Variants in CMIP observed in about 807,000 individuals in gnomAD.
CMIP encodes C-Maf-inducing protein.
CMIP carries 13 observed loss-of-function variants against 97.3 expected under a neutral mutation model. The observed-to-expected ratio is 0.13, with a 90% CI of 0.09 to 0.21. CMIP has a LOEUF of 0.21. Among genes scored for constraint, CMIP ranks in the 10% least tolerant of loss-of-function variants. The probability of loss-of-function intolerance (pLI) is 1.00; values close to 1 mark genes in which losing one functional copy is unlikely to be tolerated. For synonymous variants in CMIP, 538 were observed against 436.3 expected, an observed-to-expected ratio of 1.23 and a Z score of -2.91; for missense variants, 847 against 1,024.9, an observed-to-expected ratio of 0.83 and a Z score of 2.37.
intron 1 of CMIP, among the ~76,000 whole-genome samples, chr16:81,540,530 G>A (rs1050420323): frequency 6.6e-6 from 1 of 152,122 alleles, no homozygotes; most frequent in East Asian, 1.9e-4. Flanking sequence ...TGAACTCCTG[G>A]GCTCAAGTGA....
chr16:81,670,829 T>G (rs1055081445), intron 8 of CMIP, among the ~76,000 whole-genome samples: 3 of 151,968 alleles, frequency 2.0e-5, no homozygotes, highest in Admixed American at 6.6e-5. Flanking sequence ...TCATCTCTTT[T>G]GTTTGTTTGT....
intron 6 of CMIP, among the ~76,000 whole-genome samples, chr16:81,661,476 T>C (rs921347747): frequency 7.2e-5 from 11 of 152,188 alleles, no homozygotes; most frequent in Non-Finnish European, 1.5e-4. Flanking sequence ...CAAACCTGTT[T>C]TGTTCTTTGC....
Position 81,556,502 on chromosome 16 carries a change from C to T in CMIP, c.301-51065C>T, listed in dbSNP as rs529027258. Among the ~76,000 whole-genome samples the T allele has an allele frequency of 3.3e-5, 5 of 152,308 alleles. No individual in the cohort carries two copies. In the East Asian group the frequency reaches 9.6e-4, roughly 29 times the overall value. The stretch of plus-strand genomic sequence containing the variant: ...TTTCTCCACAATGTGCCAACGATTA[C>T]TATTTTCCGTTGTTTTATCAGTGGC... On this transcript the variant is annotated intron_variant, in intron 1 of 20. Coordinates refer to ENST00000537098, the MANE Select transcript of CMIP (RefSeq NM_198390.3).
chr16:81,674,726 T>C (rs1323897009), intron 9 of CMIP, among the ~76,000 whole-genome samples: 1 of 152,140 alleles, frequency 6.6e-6, no homozygotes, highest in Non-Finnish European at 1.5e-5. Flanking sequence ...GCTGAGATTA[T>C]AGGTGTGGGC....
intron 13 of CMIP, chr16:81,696,327 G>A: frequency 5.1e-6 from 3 of 588,130 alleles, no homozygotes; most frequent in Non-Finnish European, 9.1e-6. Flanking sequence ...TCCCTCCTGT[G>A]CAGCTGACAG....
At chr16:81,521,667 A>T (rs575918674) in intron 1 of CMIP, among the ~76,000 whole-genome samples, 2 of 152,188 alleles carry the variant, frequency 1.3e-5, no homozygotes, top group East Asian at 3.9e-4. Flanking sequence ...TTTCCTTCTA[A>T]GTCTTGTGTA....
chr16:81,704,954 C>T (rs529389387), intron 18 of CMIP, among the ~76,000 whole-genome samples: 8 of 151,930 alleles, frequency 5.3e-5, no homozygotes, highest in African/African-American at 1.9e-4. Context: ...CGGGGGGCTG[C>T]GCAGGAGGCT....
Position 81,652,486 on chromosome 16 carries a change from G to A in CMIP, c.639+122G>A, listed in dbSNP as rs767659749. On this transcript the variant is annotated intron_variant, in intron 4 of 20. Transcript: ENST00000537098. This position sits in a 1 kb window ranked among gnomAD's most constrained non-coding sequence, Gnocchi z 5.2. ...TGGGCTGTGTTGTTGCCCTGCTGCCGAAGGAGGTGAGCAGTTGCCCACCCA... is the reference window on the plus strand; with the variant it reads ...TGGGCTGTGTTGTTGCCCTGCTGCCAAAGGAGGTGAGCAGTTGCCCACCCA... The A allele has an allele frequency of 2.4e-5, 21 of 869,340 alleles. No individual in the cohort carries two copies. The highest frequency in any genetic ancestry group is 2.8e-5 in the Non-Finnish European group (16 of 563,048). The allele number at this position is 869,340 out of a possible 1,614,324, so 53.9% of individuals were successfully genotyped here.
Position 81,627,811 on chromosome 16 carries a change from C to T in CMIP, c.477+6885C>T, listed in dbSNP as rs548891147. 6.6e-5 allele frequency among the ~76,000 whole-genome samples: 10 copies of T among 152,166 alleles called. No individual in the cohort carries two copies. Among genetic ancestry groups the T allele is most frequent in the South Asian group, 2.1e-4 (1 of 4,834 alleles). On this transcript the variant is annotated intron_variant, in intron 3 of 20. Coordinates refer to ENST00000537098, the MANE Select transcript of CMIP (RefSeq NM_198390.3). The surrounding 1 kb of genome is among the most constrained non-coding windows in gnomAD (Gnocchi z 4.6). ...GCTTCCACCTCATGAGTGGCTGCGG[C>T]GCCTCGGGAATGAGTCTGTTCCATG...
intron 10 of CMIP, among the ~76,000 whole-genome samples, chr16:81,691,279 C>T (rs1327103158): frequency 6.6e-6 from 1 of 152,212 alleles, no homozygotes; most frequent in African/African-American, 2.4e-5. Context: ...TCGCTGAGTC[C>T]TGGCTGGTCT....
intron 1 of CMIP, among the ~76,000 whole-genome samples, chr16:81,532,106 C>T (rs552788632): frequency 1.3e-5 from 2 of 152,302 alleles, no homozygotes; most frequent in Admixed American, 1.3e-4. Flanking sequence ...GAAATCGAGG[C>T]CAAGGACAGC....
chr16:81,554,155 A>G (rs987386688), intron 1 of CMIP, among the ~76,000 whole-genome samples: 2 of 152,270 alleles, frequency 1.3e-5, no homozygotes, highest in Non-Finnish European at 2.9e-5. Context: ...CGGATACCCA[A>G]TAATACAATC....
At chr16:81,548,025 A>G (rs111854771) in intron 1 of CMIP, among the ~76,000 whole-genome samples, 82 of 152,062 alleles carry the variant, frequency 5.4e-4, no homozygotes, top group Admixed American at 2.1e-3. Context: ...TTTCCAGATC[A>G]TTACAGCGGC....
rs538515158 is a variant in CMIP, at chr16:81,555,325, A to AC, written c.301-52235dup. Among the ~76,000 whole-genome samples the AC allele has an allele frequency of 4.5e-4, 68 of 152,102 alleles. No individual in the cohort carries two copies. The East Asian group carries it at 0.01, about 22-fold the overall frequency. On this transcript the variant is annotated intron_variant, in intron 1 of 20. Transcript: ENST00000537098. ...CACCATAGCTCTGGGGAAATCAAGA[A>AC]CCCCCCCTAGACTGTGGGAGTCCCC...
chr16:81,482,482 A>G lies in CMIP; in HGVS notation c.300+36941A>G, dbSNP rs112037764. Among the ~76,000 whole-genome samples, 1,055 of 152,232 alleles carry G rather than the reference A, an allele frequency of 6.9e-3. 13 individuals carry two copies. The highest frequency in any genetic ancestry group is 0.024 in the African/African-American group (1,005 of 41,534). ...CTCCTGGAGGGGAGGGTGAGACAGC[A>G]GAGGGCCTTTTAAGTCATGGGGCAG... On this transcript the variant is annotated intron_variant, in intron 1 of 20. Transcript: ENST00000537098.
chr16:81,611,235 A>T (rs2091826581), intron 2 of CMIP: 1 of 152,276 alleles, frequency 6.6e-6, no homozygotes, highest in African/African-American at 2.4e-5. Context: ...TGACACACGA[A>T]GTTCTGTGGA....
chr16:81,704,022 T>C lies in CMIP; in HGVS notation c.2028T>C (p.Ser676=). 1 of 1,605,472 alleles carries C rather than the reference T, an allele frequency of 6.2e-7. No homozygotes were observed. ...GTTTGGCCTTCACCAATGTAACCAG[T>C]GCCTGCGCCGAGCACCTCATCAAAC... is the stretch of plus-strand genomic sequence containing the variant. ...NLSLAFTNVT[S]ACAEHLIKLP... is the part of the protein sequence containing the mutation. The change falls in exon 18 of 21, where the codon AGT becomes AGC. Residue 676 remains serine, a synonymous_variant. Transcript: ENST00000537098.
At chr16:81,685,324 G>A (rs747136532) in intron 10 of CMIP, among the ~76,000 whole-genome samples, 16 of 152,162 alleles carry the variant, frequency 1.1e-4, no homozygotes, top group Non-Finnish European at 2.1e-4. Context: ...ACAGGCCACA[G>A]TCTCCCACTG....
chr16:81,667,799 A>AGAGAGAGAGAGAGAGAGTGTGTGTGT, intron 7 of CMIP, among the ~76,000 whole-genome samples: 37 of 58,110 alleles, frequency 6.4e-4, no homozygotes, highest in East Asian at 1.3e-3. Context: ...AGAGAGAGAG[A>AGAGAGAGAGAGAGAGAGTGTGTGTGT]GTGTGTGTGT....
Sources: allele counts gnomAD v4.1 joint callset (sites outside exome capture counted in the v4.1 genomes callset), GRCh38; gene constraint gnomAD v4.1.1; non-coding constraint Gnocchi (gnomAD v3.1); transcripts MANE v1.5; gene names NCBI Gene and HGNC (gene_info 2026-07-23, HGNC 2026-07-21).